SLC26A7: variants seen among roughly 807,000 people sequenced by gnomAD.
The protein encoded by SLC26A7 is anion exchange transporter.
Under a neutral mutation model 82.5 loss-of-function variants are expected in SLC26A7, and 59 were observed. The ratio of observed to expected loss-of-function variants is 0.72; its 90% CI spans 0.58 to 0.89. The LOEUF is 0.89. SLC26A7 is among the 40% of genes least tolerant of loss of function. The probability of loss-of-function intolerance (pLI) is 0.00; values close to 1 mark genes in which losing one functional copy is unlikely to be tolerated. For synonymous variants in SLC26A7, 271 were observed against 274.3 expected (o/e 0.99, Z 0.12); for missense variants, 820 against 793.0 (o/e 1.03, Z -0.41).
chr8:91,338,435 C>A (rs1054868790), intron 7 of SLC26A7, among the ~76,000 whole-genome samples: 1 of 152,052 alleles, frequency 6.6e-6, no homozygotes, highest in Non-Finnish European at 1.5e-5. Flanking sequence ...TTGATAATTG[C>A]TTTATGCAGC....
chr8:91,219,196 CT>C (rs969969559), intron 2 of SLC26A7: 16 of 373,552 alleles, frequency 4.3e-5, no homozygotes, highest in East Asian at 7.7e-5. Flanking sequence ...TCTAGGTGTG[CT>C]TTTTTTGGCT....
intron 2 of SLC26A7, among the ~76,000 whole-genome samples, chr8:91,224,355 GT>G (rs1563633790): frequency 6.6e-6 from 1 of 152,064 alleles, no homozygotes; most frequent in Non-Finnish European, 1.5e-5. Flanking sequence ...CTTGGATGGG[GT>G]TTTTTTGTGG....
At chr8:91,336,515 C>G (rs574457858) in intron 6 of SLC26A7, among the ~76,000 whole-genome samples, 27 of 152,098 alleles carry the variant, frequency 1.8e-4, no homozygotes, top group South Asian at 1.0e-3. Context: ...CCATCTCCCC[C>G]CTCCTCCCCC....
chr8:91,317,892 A>G (rs1407661283), intron 4 of SLC26A7, among the ~76,000 whole-genome samples: 3 of 149,884 alleles, frequency 2.0e-5, no homozygotes, highest in African/African-American at 7.3e-5. Context: ...TAACTGAGAT[A>G]CTCACATTGT....
At position 91,357,592 on chromosome 8, in the gene SLC26A7, G is replaced by A. The variant is rs141545872; in HGVS notation, c.1314+4596G>A. Among the ~76,000 whole-genome samples, 386 of 152,152 alleles carry A rather than the reference G, an allele frequency of 2.5e-3. 1 individual carries two copies. Among genetic ancestry groups the A allele is most frequent in the African/African-American group, 8.6e-3 (357 of 41,518 alleles). Reference sequence around the variant, plus strand: ...CTGAAACTAATCCCTTCCTTACACCGTATACAAAAACTAATTCAAGATGGA... The same window carrying A: ...CTGAAACTAATCCCTTCCTTACACCATATACAAAAACTAATTCAAGATGGA... On this transcript the variant is annotated intron_variant, in intron 11 of 18. Coordinates refer to ENST00000276609, the MANE Select transcript of SLC26A7 (RefSeq NM_052832.4).
At chr8:91,276,833 C>T (rs531730802) in intron 2 of SLC26A7, among the ~76,000 whole-genome samples, 1 of 152,252 alleles carries the variant, frequency 6.6e-6, no homozygotes, top group South Asian at 2.1e-4. Context: ...CGTTTTATTC[C>T]ATTTAACATT....
At chr8:91,242,524 A>G (rs1810488399) in intron 2 of SLC26A7, among the ~76,000 whole-genome samples, 1 of 152,154 alleles carries the variant, frequency 6.6e-6, no homozygotes. Context: ...TGGAATCTAG[A>G]GACAGGGCCT....
chr8:91,294,902 C>T (rs1200330809), intron 3 of SLC26A7, among the ~76,000 whole-genome samples: 1 of 152,154 alleles, frequency 6.6e-6, no homozygotes, highest in Non-Finnish European at 1.5e-5. Flanking sequence ...TAAAAATATA[C>T]TCTGCTATGA....
chr8:91,234,316 A>AT (rs1475466608), intron 2 of SLC26A7, among the ~76,000 whole-genome samples: 1 of 152,134 alleles, frequency 6.6e-6, no homozygotes, highest in Non-Finnish European at 1.5e-5. Context: ...TAAAGCTGTT[A>AT]TTTTTCAGGG....
intron 4 of SLC26A7, among the ~76,000 whole-genome samples, chr8:91,307,816 TAAA>T (rs71273693): frequency 1.4e-3 from 211 of 150,900 alleles, no homozygotes; most frequent in African/African-American, 4.9e-3. Context: ...AATAAATAAA[TAAA>T]AAAAATAAAT....
chr8:91,281,870 GCA>G (rs1321489000), intron 2 of SLC26A7, among the ~76,000 whole-genome samples: 1 of 152,084 alleles, frequency 6.6e-6, no homozygotes, highest in Non-Finnish European at 1.5e-5. Flanking sequence ...AGAATATTAA[GCA>G]TACCTTTTCA....
intron 2 of SLC26A7, among the ~76,000 whole-genome samples, chr8:91,261,301 A>G (rs1810958509): frequency 6.6e-6 from 1 of 152,108 alleles, no homozygotes. Context: ...CAAGGGGCTT[A>G]TTATTTTTTC....
intron 15 of SLC26A7, among the ~76,000 whole-genome samples, chr8:91,378,664 G>A (rs970802648): frequency 3.3e-5 from 5 of 151,618 alleles, no homozygotes; most frequent in African/African-American, 7.3e-5. Context: ...TCAGATACCA[G>A]CTAGGAGAGC....
chr8:91,214,200 G>A (rs1196456593), intron 1 of SLC26A7, among the ~76,000 whole-genome samples: 6 of 152,080 alleles, frequency 3.9e-5, no homozygotes, highest in Non-Finnish European at 8.8e-5. Flanking sequence ...AATATAAATT[G>A]TTGATTGATT....
chr8:91,384,930 A>G (rs1020484350), intron 15 of SLC26A7, among the ~76,000 whole-genome samples: 20 of 152,238 alleles, frequency 1.3e-4, no homozygotes, highest in Admixed American at 1.2e-3. Context: ...GTTAATTGAT[A>G]TCAACAGAAA....
intron 4 of SLC26A7, among the ~76,000 whole-genome samples, chr8:91,299,954 A>G (rs1222803796): frequency 1.3e-5 from 2 of 152,254 alleles, no homozygotes; most frequent in East Asian, 3.8e-4. Context: ...AATATAAGTC[A>G]AGTAAAGAAG....
rs759501769 is a variant in SLC26A7 at position 91,338,233 on chromosome 8, G to T, written c.878+1G>T. ...AAGTAGTTGGTCATATTCCACAAGG[G>T]TAATGTAGTCCTTTTTAAAAACATA... On this transcript the variant is annotated splice_donor_variant, in intron 7 of 18. Coordinates refer to ENST00000276609, the MANE Select transcript of SLC26A7 (RefSeq NM_052832.4). LOFTEE classifies it high-confidence loss of function. 6.3e-7 allele frequency: 1 copy of T among 1,593,522 alleles called. No individual in the cohort carries two copies.
rs550926756 is a variant in SLC26A7, at chr8:91,382,281, C to G, written c.1676-7057C>G. On this transcript the variant is annotated intron_variant, in intron 15 of 18. Coordinates refer to ENST00000276609, the MANE Select transcript of SLC26A7 (RefSeq NM_052832.4). ...CTGAGGATCAAGTACTACTCCCTAG[C>G]ATGGCACCTAAAAGGCTTCCTTATC... is the stretch of plus-strand genomic sequence containing the variant. 6.6e-5 allele frequency among the ~76,000 whole-genome samples: 10 copies of G among 152,252 alleles called. No individual in the cohort carries two copies. The South Asian group carries it at 1.9e-3, about 28-fold the overall frequency.
Position 91,239,389 on chromosome 8 carries a change from A to ATATATATATAT in SLC26A7, c.-33-10230_-33-10229insTATATATATAT, listed in dbSNP as rs1264821995. 1.8e-3 allele frequency among the ~76,000 whole-genome samples: 189 copies of ATATATATATAT among 105,644 alleles called. 1 individual carries two copies. The highest frequency in any genetic ancestry group is 5.5e-3 in the African/African-American group (166 of 30,098). The allele number at this position is 105,644 out of a possible 152,430, so 69.3% of individuals were successfully genotyped here. ...AGACTCCGTCTCAAAAAAAAAAAAAAAAAAAAATATATATATATATATGTA... is the reference window on the plus strand; with the variant it reads ...AGACTCCGTCTCAAAAAAAAAAAAAATATATATATATAAAAAAATATATATATATATATGTA... On this transcript the variant is annotated intron_variant, in intron 2 of 5. Transcript: ENST00000522862.
Sources: allele counts gnomAD v4.1 joint callset (sites outside exome capture counted in the v4.1 genomes callset), GRCh38; gene constraint gnomAD v4.1.1; transcripts MANE v1.5; gene names NCBI Gene and HGNC (gene_info 2026-07-23, HGNC 2026-07-21).